The following GRM8 variants were observed in gnomAD, a reference collection of about 807,000 sequenced individuals.
The protein encoded by GRM8 is metabotropic glutamate receptor 8.
Under a neutral mutation model 87.2 loss-of-function variants are expected in GRM8, and 47 were observed. The observed-to-expected ratio is 0.54, with a 90% CI of 0.43 to 0.69. The LOEUF (loss-of-function observed/expected upper bound fraction) is 0.69. GRM8 is among the 30% of genes least tolerant of loss of function. GRM8 has a pLI of 0.00. For missense variants in GRM8, 1,019 were observed against 1,139.2 expected (o/e 0.89, Z 1.52); for synonymous variants, 396 against 404.5 (o/e 0.98, Z 0.25).
At position 126,446,355 on chromosome 7, in the gene GRM8, T is replaced by C; in HGVS notation, c.2448A>G (p.Thr816=). 13 of 1,606,738 alleles carry C rather than the reference T, an allele frequency of 8.1e-6. No homozygotes were observed. The highest frequency in any genetic ancestry group is 1.3e-5 in the African/African-American group (1 of 74,514). The part of the protein sequence containing the change: ...QSAEKMYIQT[T]TLTVSMSLSA... ...TTAAACTCATGGAGACAGTAAGTGT[T>C]GTTGTCTGGATGTACATCTGAGGGA... is the stretch of plus-strand genomic sequence containing the variant. The change falls in exon 10 of 11, where the codon ACA becomes ACG. Residue 816 remains threonine, a synonymous_variant. Transcript: ENST00000339582.
chr7:126,895,506 C>T (rs1380368689), intron 6 of GRM8, among the ~76,000 whole-genome samples: 1 of 152,052 alleles, frequency 6.6e-6, no homozygotes, highest in Non-Finnish European at 1.5e-5. Flanking sequence ...GGTTTGTGTG[C>T]ATGCTAACAT....
At chr7:127,240,664 A>G (rs1398962648) in intron 2 of GRM8, among the ~76,000 whole-genome samples, 1 of 152,186 alleles carries the variant, frequency 6.6e-6, no homozygotes, top group Non-Finnish European at 1.5e-5. Flanking sequence ...GATGTTTTTG[A>G]ACCACAGTTG....
At chr7:127,042,168 T>G (rs1030935835) in intron 3 of GRM8, among the ~76,000 whole-genome samples, 2 of 152,176 alleles carry the variant, frequency 1.3e-5, no homozygotes, top group East Asian at 3.8e-4. Context: ...AGCCTCAGCC[T>G]CAAAGATTCC....
At position 127,246,944 on chromosome 7, in the gene GRM8, A is replaced by T. The variant is rs2116902452; in HGVS notation, c.-311-3429T>A. Among the ~76,000 whole-genome samples, 3 of 152,342 alleles carry T rather than the reference A, an allele frequency of 2.0e-5. 1 individual carries two copies. The Middle Eastern group carries it at 0.01, about 518-fold the overall frequency. On this transcript the variant is annotated intron_variant, in intron 1 of 10. Transcript: ENST00000339582. ...TGAGCTGATAAGTGGCAGTGCCACC[A>T]AAGTCATCTGTCCCAGAAGGTGGGT... is the stretch of plus-strand genomic sequence containing the variant.
At chr7:126,880,095 A>G (rs1252861523) in intron 6 of GRM8, among the ~76,000 whole-genome samples, 1 of 152,214 alleles carries the variant, frequency 6.6e-6, no homozygotes, top group Admixed American at 6.5e-5. Flanking sequence ...AAATGGTTGA[A>G]TGACTGTTAA....
chr7:126,804,020 A>C (rs1792389985), intron 6 of GRM8, among the ~76,000 whole-genome samples: 1 of 152,246 alleles, frequency 6.6e-6, no homozygotes, highest in Non-Finnish European at 1.5e-5. Context: ...TGGAATAGTT[A>C]ACTTACCATT....
intron 6 of GRM8, among the ~76,000 whole-genome samples, chr7:126,794,797 G>T (rs138605526): frequency 6.6e-6 from 1 of 152,238 alleles, no homozygotes; most frequent in Non-Finnish European, 1.5e-5. Flanking sequence ...TGAATTAACT[G>T]GAGGGGAATT....
chr7:126,517,314 C>T (rs973596016), intron 9 of GRM8, among the ~76,000 whole-genome samples: 4 of 152,020 alleles, frequency 2.6e-5, no homozygotes, highest in South Asian at 2.1e-4. Context: ...AATGAAGACT[C>T]GTCATCTCAC....
chr7:126,505,286 T>G (rs1270165708), intron 9 of GRM8, among the ~76,000 whole-genome samples: 2 of 152,088 alleles, frequency 1.3e-5, no homozygotes, highest in African/African-American at 2.4e-5. Flanking sequence ...TGAACACTAA[T>G]TAGAATGGCC....
chr7:126,533,872 A>G lies in GRM8; in HGVS notation c.1510T>C (p.Trp504Arg), dbSNP rs752404092. The G allele has an allele frequency of 6.8e-6, 11 of 1,612,224 alleles. No homozygotes were observed. The East Asian group carries it at 2.5e-4, about 36-fold the overall frequency. The change falls in exon 9 of 11, where the codon TGG (tryptophan) becomes CGG (arginine). Residue 504 changes from tryptophan to arginine, a missense_variant. Transcript: ENST00000339582. ...GGGTGAGTATGTTCTCTATGAGCCC[A>G]CTGCATGTCTTCCACCTGTGGGTAT... ...QLHLKVEDMQ[W>R]AHREHTHPAS...
chr7:126,888,020 G>C (rs553472989), intron 6 of GRM8, among the ~76,000 whole-genome samples: 37 of 152,212 alleles, frequency 2.4e-4, no homozygotes, highest in Non-Finnish European at 2.5e-4. Context: ...TGCAAAAGAG[G>C]GGGTAGGTGA....
chr7:126,831,074 AGAG>A (rs1795317424), intron 6 of GRM8, among the ~76,000 whole-genome samples: 1 of 152,170 alleles, frequency 6.6e-6, no homozygotes, highest in African/African-American at 2.4e-5. Context: ...GTTTTGTCTC[AGAG>A]GAGTACCCGG....
At chr7:127,128,631 A>T (rs1272727513) in intron 2 of GRM8, among the ~76,000 whole-genome samples, 1 of 152,176 alleles carries the variant, frequency 6.6e-6, no homozygotes, top group Non-Finnish European at 1.5e-5. Flanking sequence ...TAAAGCAGAT[A>T]TCATTATCTC....
In GRM8 at chr7:126,482,914, A is replaced by AAATTCTAT. The variant is rs1806870349; in HGVS notation, c.2431-36550_2431-36543dup. Among the ~76,000 whole-genome samples the AAATTCTAT allele has an allele frequency of 2.6e-5, 4 of 151,896 alleles. No individual in the cohort carries two copies. In the South Asian group the frequency reaches 8.3e-4, roughly 31 times the overall value. On this transcript the variant is annotated intron_variant, in intron 9 of 10. Transcript: ENST00000339582. ...AGTGTGTTCAGGAGTTTAATCTGGT[A>AAATTCTAT]AATTCTATAAAGGTTTATGTGACAG...
chr7:127,074,341 T>G (rs1283575463), intron 3 of GRM8, among the ~76,000 whole-genome samples: 1 of 152,096 alleles, frequency 6.6e-6, no homozygotes, highest in Non-Finnish European at 1.5e-5. Flanking sequence ...CAATTTTCAT[T>G]CACCCATCAC....
intron 8 of GRM8, among the ~76,000 whole-genome samples, chr7:126,593,507 T>C (rs1445403096): frequency 1.3e-5 from 2 of 152,020 alleles, no homozygotes; most frequent in African/African-American, 4.8e-5. Flanking sequence ...GAAATCACAG[T>C]CTTTTCAATA....
At chr7:127,224,346 T>A (rs1421258287) in intron 2 of GRM8, among the ~76,000 whole-genome samples, 1 of 152,172 alleles carries the variant, frequency 6.6e-6, no homozygotes, top group Non-Finnish European at 1.5e-5. Flanking sequence ...ACAATTTGAA[T>A]GACAGAGGAT....
chr7:126,823,803 G>C (rs1794513655), intron 6 of GRM8, among the ~76,000 whole-genome samples: 2 of 152,198 alleles, frequency 1.3e-5, no homozygotes, highest in African/African-American at 4.8e-5. Flanking sequence ...GAGAGGTAGA[G>C]AGACTGCATT....
intron 3 of GRM8, among the ~76,000 whole-genome samples, chr7:126,979,217 C>T (rs1328143485): frequency 6.6e-6 from 1 of 152,136 alleles, no homozygotes; most frequent in Non-Finnish European, 1.5e-5. Flanking sequence ...CACTCCTGAA[C>T]AATTCCCTCC....
Sources: gnomAD v4.1 joint callset for allele counts (sites outside exome capture counted in the v4.1 genomes callset) on GRCh38, gnomAD v4.1.1 for gene constraint, MANE v1.5 for transcripts, NCBI Gene and HGNC (gene_info 2026-07-23, HGNC 2026-07-21) for gene names.